Variants in HSD17B13 observed in about 807,000 individuals in gnomAD.
HSD17B13 encodes hydroxysteroid 17-beta dehydrogenase 13.
Under a neutral mutation model 31.1 loss-of-function variants are expected in HSD17B13, and 26 were observed. The observed-to-expected ratio is 0.84, with a 90% CI of 0.61 to 1.16. HSD17B13 has a LOEUF of 1.16. Among genes scored for constraint, HSD17B13 ranks in the 50% most tolerant of loss-of-function variants. The pLI is 0.00. For missense variants in HSD17B13, 374 were observed against 366.5 expected, an observed-to-expected ratio of 1.02 and a Z score of -0.17; for synonymous variants, 141 against 133.7, an observed-to-expected ratio of 1.05 and a Z score of -0.38.
rs370077116 is a variant in HSD17B13 at position 87,322,861 on chromosome 4, C to G, written c.-20G>C. On this transcript the variant is annotated 5_prime_UTR_variant, in exon 1 of 7. Coordinates refer to ENST00000328546, the MANE Select transcript of HSD17B13 (RefSeq NM_178135.5). ...GTTCATGGCTTTGCTCTGTCCTCTT[C>G]CTTCTGGTTCAGTCCTTGTGTAGTC... The G allele has an allele frequency of 1.2e-6, 2 of 1,604,350 alleles. No individual in the cohort carries two copies. The highest frequency in any genetic ancestry group is 1.7e-6 in the Non-Finnish European group (2 of 1,171,628).
intron 5 of HSD17B13, among the ~76,000 whole-genome samples, chr4:87,311,299 A>G (rs1357689793): frequency 1.3e-5 from 2 of 152,202 alleles, no homozygotes; most frequent in Non-Finnish European, 2.9e-5. Context: ...ATTCTTCTCC[A>G]TGGAGTAGCT....
chr4:87,315,407 C>A (rs1578441010), intron 4 of HSD17B13, 86 bp downstream of exon 4: 4 of 639,802 alleles, frequency 6.3e-6, no homozygotes, highest in Non-Finnish European at 1.0e-5. Context: ...TGCCAAGAAC[C>A]AGGACTCTCC....
intron 6 of HSD17B13, among the ~76,000 whole-genome samples, chr4:87,308,698 A>C (rs1355583736): frequency 6.7e-6 from 1 of 149,438 alleles, no homozygotes; most frequent in Non-Finnish European, 1.5e-5. Context: ...TATAATAAAA[A>C]TAAATAAATA....
At chr4:87,318,616 G>T (rs912207058) in intron 1 of HSD17B13, among the ~76,000 whole-genome samples, 180 bp from the exon 2 acceptor site, 2 of 151,296 alleles carry the variant, frequency 1.3e-5, no homozygotes, top group African/African-American at 4.9e-5. Flanking sequence ...TGGCCAACAT[G>T]GTGAAACCCC....
At chr4:87,312,740 C>G (rs918149243) in intron 5 of HSD17B13, among the ~76,000 whole-genome samples, 1 of 151,284 alleles carries the variant, frequency 6.6e-6, no homozygotes, top group African/African-American at 2.4e-5. Flanking sequence ...ACTGTGTTAG[C>G]CAGGATGACC....
chr4:87,311,727 T>C (rs1734533495), intron 5 of HSD17B13, among the ~76,000 whole-genome samples: 1 of 152,166 alleles, frequency 6.6e-6, no homozygotes, highest in Admixed American at 6.5e-5. Flanking sequence ...GGTGAGGAGT[T>C]AGGGAGCCAG....
chr4:87,305,237 T>G lies in HSD17B13; in HGVS notation c.884A>C (p.His295Pro). ...ATTTATTCATTTCATTTTGATTTTG[T>G]GGCCAACCACTGCTTCAAATTGAAT... Reference protein sequence around the residue: ...QNIQFEAVVGHKIKMK With the variant: ...QNIQFEAVVGPKIKMK The change falls in exon 7 of 7, where the codon CAC becomes CCC. Residue 295 changes from histidine to proline, a missense_variant. By Grantham distance (77) the His-to-Pro change is moderately conservative (BLOSUM62 -2). Coordinates refer to ENST00000328546, the MANE Select transcript of HSD17B13 (RefSeq NM_178135.5). The G allele has an allele frequency of 1.9e-6, 3 of 1,607,030 alleles. No homozygotes were observed. Among genetic ancestry groups the G allele is most frequent in the Non-Finnish European group, 2.5e-6 (3 of 1,176,798 alleles).
chr4:87,316,467 T>G lies in HSD17B13; in HGVS notation c.450+625A>C, dbSNP rs1020817025. On this transcript the variant is annotated intron_variant, in intron 3 of 6. Transcript: ENST00000328546. ...TCTAGAATCCAGATCTGCCCTAGATTCTACACTAATATTGAGGCACTGGAA... is the reference window on the plus strand; with the variant it reads ...TCTAGAATCCAGATCTGCCCTAGATGCTACACTAATATTGAGGCACTGGAA... 4.6e-5 allele frequency among the ~76,000 whole-genome samples: 7 copies of G among 152,226 alleles called. No individual in the cohort carries two copies. In the South Asian group the frequency reaches 8.3e-4, roughly 18 times the overall value.
At chr4:87,312,569 G>A (rs1485262586) in intron 5 of HSD17B13, among the ~76,000 whole-genome samples, 8 of 107,636 alleles carry the variant, frequency 7.4e-5, no homozygotes, top group Non-Finnish European at 1.3e-4. Context: ...TCGCTCTGTC[G>A]CCCAGGCTGG....
intron 6 of HSD17B13, among the ~76,000 whole-genome samples, chr4:87,308,558 G>GTAGTCCCA (rs1404264447): frequency 7.5e-6 from 1 of 133,288 alleles, no homozygotes; most frequent in Non-Finnish European, 1.6e-5. Flanking sequence ...GCAGGCGCCT[G>GTAGTCCCA]TAGTCCCAGC....
At chr4:87,322,446 G>A (rs548561024) in intron 1 of HSD17B13, among the ~76,000 whole-genome samples, 186 bp downstream of exon 1, 6 of 152,220 alleles carry the variant, frequency 3.9e-5, no homozygotes, top group South Asian at 4.2e-4. Flanking sequence ...CATAAAAATC[G>A]CTGCTTAGTT....
At chr4:87,308,522 A>T (rs1404613306) in intron 6 of HSD17B13, among the ~76,000 whole-genome samples, 6 of 131,440 alleles carry the variant, frequency 4.6e-5, no homozygotes, top group African/African-American at 1.9e-4. Flanking sequence ...AAAAAAAAAA[A>T]AAAAAAAAAT....
chr4:87,315,367 G>T, intron 4 of HSD17B13, 126 bp downstream of exon 4: 1 of 460,224 alleles, frequency 2.2e-6, no homozygotes. Flanking sequence ...TGGCTTTGTT[G>T]GTGAGTTTTG....
chr4:87,320,455 C>T (rs1334251281), intron 1 of HSD17B13, among the ~76,000 whole-genome samples: 3 of 138,026 alleles, frequency 2.2e-5, no homozygotes, highest in Non-Finnish European at 4.6e-5. Flanking sequence ...GGCGTCATCT[C>T]GGCTCACTGC....
At chr4:87,321,611 G>A (rs1734788322) in intron 1 of HSD17B13, among the ~76,000 whole-genome samples, 1 of 151,924 alleles carries the variant, frequency 6.6e-6, no homozygotes, top group Admixed American at 6.6e-5. Flanking sequence ...CAAAAAGATG[G>A]CAAATCATTT....
chr4:87,313,787 T>C (rs1369469560), intron 5 of HSD17B13, 36 bp downstream of exon 5: 3 of 1,576,532 alleles, frequency 1.9e-6, no homozygotes, highest in Admixed American at 3.5e-5. Flanking sequence ...CAATTTATCA[T>C]ACCACATACC....
chr4:87,305,717 A>AAAT (rs1330208257), intron 6 of HSD17B13, among the ~76,000 whole-genome samples: 5 of 130,608 alleles, frequency 3.8e-5, no homozygotes, highest in Admixed American at 2.1e-4. Context: ...CCATCTCAAT[A>AAAT]AATAAATAAA....
chr4:87,306,907 A>T (rs1317842165), intron 6 of HSD17B13, among the ~76,000 whole-genome samples: 1 of 71,760 alleles, frequency 1.4e-5, no homozygotes, highest in Non-Finnish European at 3.7e-5. Context: ...ACCCAATCTA[A>T]AAAAAAAAAA....
At chr4:87,322,572 A>G (rs1734812944) in intron 1 of HSD17B13, 60 bp downstream of exon 1, 4 of 1,271,940 alleles carry the variant, frequency 3.1e-6, no homozygotes, top group Non-Finnish European at 4.6e-6. Context: ...TAAGTCAAAT[A>G]ATTCTTAAAA....
Sources: gnomAD v4.1 joint callset for allele counts (sites outside exome capture counted in the v4.1 genomes callset) on GRCh38, gnomAD v4.1.1 for gene constraint, MANE v1.5 for transcripts, NCBI Gene and HGNC (gene_info 2026-07-23, HGNC 2026-07-21) for gene names.